The following FLNB variants were observed in gnomAD, a reference collection of about 807,000 sequenced individuals.
FLNB encodes filamin B.
FLNB carries 111 observed loss-of-function variants against 250.6 expected under a neutral mutation model. The ratio of observed to expected loss-of-function variants is 0.44; its 90% CI spans 0.38 to 0.52. The LOEUF (loss-of-function observed/expected upper bound fraction) is 0.52, where lower values mean the gene tolerates loss of function less well. Ranked by LOEUF, FLNB falls within the 20% of genes least tolerant of loss-of-function variation. The probability of loss-of-function intolerance (pLI) is 0.00; values close to 1 mark genes in which losing one functional copy is unlikely to be tolerated. For missense variants in FLNB, 2,869 were observed against 3,447.8 expected (o/e 0.83, Z 4.20); for synonymous variants, 1,302 against 1,372.1 (o/e 0.95, Z 1.13).
chr3:58,109,552 T>C, intron 14 of FLNB, 24 bp from the exon 15 acceptor site: 1 of 1,614,234 alleles, frequency 6.2e-7, no homozygotes, highest in Non-Finnish European at 8.5e-7. Flanking sequence ...GAGAACTTGA[T>C]GACCTTCTCC....
At chr3:58,070,529 C>T (rs568648405) in intron 1 of FLNB, among the ~76,000 whole-genome samples, 11 of 152,214 alleles carry the variant, frequency 7.2e-5, no homozygotes, top group African/African-American at 2.6e-4. Flanking sequence ...GTAGCCTCTC[C>T]GGGTGGTAGA....
At chr3:58,077,323 T>A (rs762193344) in intron 2 of FLNB, 29 bp downstream of exon 2, 10 of 1,611,292 alleles carry the variant, frequency 6.2e-6, no homozygotes, top group Non-Finnish European at 8.5e-6. Flanking sequence ...CTAAACCATC[T>A]GTCCAGGATG....
Position 58,008,838 on chromosome 3 carries a change from A to G in FLNB, c.274A>G (p.Ile92Val), listed in dbSNP as rs62622011. Residue 92 changes from isoleucine (I) to valine (V), a missense_variant, in exon 1 of 46, where the codon ATC becomes GTC. Transcript: ENST00000295956. ...GCTCGAGTTCCTGGACCGTGAGAGCATCAAGCTCGTGTCCATCGGTGAGTT... is the reference window on the plus strand; with the variant it reads ...GCTCGAGTTCCTGGACCGTGAGAGCGTCAAGCTCGTGTCCATCGGTGAGTT... ...VALEFLDRES[I>V]KLVSIDSKAI... The G allele has an allele frequency of 5.2e-4, 847 of 1,613,802 alleles. 2 individuals are homozygous for G. In the African/African-American group the frequency reaches 7.1e-3, roughly 14 times the overall value.
intron 34 of FLNB, 67 bp downstream of exon 34, chr3:58,147,060 T>G (rs2097336876): frequency 6.6e-7 from 1 of 1,517,520 alleles, no homozygotes; most frequent in African/African-American, 1.4e-5. Flanking sequence ...GCCACCCTCC[T>G]TATCAGACCC....
chr3:58,139,717 A>G (rs573701325), intron 29 of FLNB, among the ~76,000 whole-genome samples: 83 of 152,160 alleles, frequency 5.5e-4, no homozygotes, highest in Non-Finnish European at 7.5e-4. Flanking sequence ...GTCCTTATTC[A>G]CAGAGAAGGG....
At chr3:58,065,510 C>G (rs1266745953) in intron 1 of FLNB, among the ~76,000 whole-genome samples, 2 of 152,204 alleles carry the variant, frequency 1.3e-5, no homozygotes, top group African/African-American at 4.8e-5. Flanking sequence ...GTTATGTCAT[C>G]TGTAAAATGG....
In FLNB at chr3:58,169,815, A is replaced by AG; in HGVS notation, c.7621+25dup. ...GCTGGTAGGTGTCTGGGCCTTTTCA[A>AG]GGGTGGGGTGGGGCAGGGGCAGGCT... On this transcript the variant is annotated intron_variant, in intron 45 of 45. Transcript: ENST00000295956. The surrounding 1 kb of genome is among the most constrained non-coding windows in gnomAD (Gnocchi z 4.8). 3.8e-5 allele frequency: 26 copies of AG among 688,046 alleles called. No homozygotes were observed. The highest frequency in any genetic ancestry group is 5.8e-5 in the Non-Finnish European group (23 of 397,526). 42.6% of individuals were successfully genotyped at this position (688,046 alleles called of 1,614,324 possible).
chr3:58,095,229 G>GTATTTAATTATTTATTTATT, intron 5 of FLNB, among the ~76,000 whole-genome samples: 1 of 147,814 alleles, frequency 6.8e-6, no homozygotes, highest in East Asian at 2.0e-4. Flanking sequence ...GTTTATGTAT[G>GTATTTAATTATTTATTTATT]TATTTATTTA....
In FLNB at chr3:58,142,693, T is replaced by C; in HGVS notation, c.5225T>C (p.Leu1742Pro). The C allele has an allele frequency of 6.2e-7, 1 of 1,614,258 alleles. No individual in the cohort carries two copies. The highest frequency in any genetic ancestry group is 1.3e-5 in the African/African-American group (1 of 75,076). The change falls in exon 31 of 46, where the codon CTG becomes CCG. Residue 1742 changes from leucine (L) to proline (P), a missense_variant. Leu to Pro is a moderately conservative substitution (Grantham distance 98). This residue lies in a region of FLNB where 1,084 missense variants were observed against 1,315.5 expected (regional missense o/e 0.82). Coordinates refer to ENST00000295956, the MANE Select transcript of FLNB (RefSeq NM_001457.4). The surrounding 1 kb of genome is among the most constrained non-coding windows in gnomAD (Gnocchi z 4.3). ...GTCCCAGTGAGTGACATGAACGGCC[T>C]GGGATTTAAGCCTTTTGACCTGGTC... ...AYVPVSDMNG[L>P]GFKPFDLVIP...
intron 1 of FLNB, among the ~76,000 whole-genome samples, chr3:58,053,093 A>G (rs1204750174): frequency 6.6e-6 from 1 of 152,218 alleles, no homozygotes; most frequent in Admixed American, 6.5e-5. Flanking sequence ...TCAGTGGCAG[A>G]ATGGAATGTT....
chr3:58,056,739 C>T (rs1416611615), intron 1 of FLNB, among the ~76,000 whole-genome samples: 2 of 151,708 alleles, frequency 1.3e-5, no homozygotes, highest in East Asian at 3.9e-4. Context: ...TACAGGCGTG[C>T]TCCACCATAC....
At chr3:58,057,545 G>C (rs985463353) in intron 1 of FLNB, among the ~76,000 whole-genome samples, 3 of 152,230 alleles carry the variant, frequency 2.0e-5, no homozygotes, top group Non-Finnish European at 4.4e-5. Context: ...CCTGACATTA[G>C]ATGATGGCTG....
chr3:58,019,589 T>G (rs1353206970), intron 1 of FLNB, among the ~76,000 whole-genome samples: 2 of 152,214 alleles, frequency 1.3e-5, no homozygotes, highest in African/African-American at 4.8e-5. Context: ...AGGACTTTTG[T>G]GTCAAAACTG....
intron 1 of FLNB, among the ~76,000 whole-genome samples, chr3:58,017,906 T>G (rs2097108008): frequency 6.6e-6 from 1 of 152,182 alleles, no homozygotes; most frequent in Non-Finnish European, 1.5e-5. Flanking sequence ...ACAGAGCCGC[T>G]GACTCTCTCC....
Position 58,123,093 on chromosome 3 carries a change from G to A in FLNB, c.3127G>A (p.Val1043Met), listed in dbSNP as rs2097291832. The A allele has an allele frequency of 2.5e-6, 4 of 1,613,856 alleles. No individual in the cohort carries two copies. The highest frequency in any genetic ancestry group is 1.3e-5 in the African/African-American group (1 of 74,912). ...EASLPPDPSK[V>M]KAHGPGLEGG... ...TTGACTTTATTCTTTGCTCAAATAGGTGAAGGCCCACGGTCCCGGCCTCGA... is the reference window on the plus strand; with the variant it reads ...TTGACTTTATTCTTTGCTCAAATAGATGAAGGCCCACGGTCCCGGCCTCGA... Residue 1043 changes from valine to methionine, a missense_variant and splice_region_variant, in exon 21 of 46, where the codon GTG becomes ATG. Physicochemically the swap from Val to Met is conservative, Grantham distance 21. Coordinates refer to ENST00000295956, the MANE Select transcript of FLNB (RefSeq NM_001457.4).
Position 58,152,452 on chromosome 3 carries a change from G to A in FLNB, c.6368-923G>A, listed in dbSNP as rs370217640. Among the ~76,000 whole-genome samples the A allele has an allele frequency of 2.4e-3, 358 of 152,308 alleles. 2 individuals are homozygous for A. Among genetic ancestry groups the A allele is most frequent in the African/African-American group, 8.3e-3 (343 of 41,546 alleles). On this transcript the variant is annotated intron_variant, in intron 38 of 45. Transcript: ENST00000295956. ...TCCTTCCAGGCTGCAAACCGACAGC[G>A]TCCCCTTGTATCCTCACATGCTGGA...
chr3:58,154,956 AT>A (rs2097351063), intron 40 of FLNB, 28 bp downstream of exon 40: 1 of 1,610,990 alleles, frequency 6.2e-7, no homozygotes. Context: ...ACAAGAGGAC[AT>A]TTTCCTTGTT....
chr3:58,017,387 A>G (rs1286818177), intron 1 of FLNB, among the ~76,000 whole-genome samples: 1 of 152,192 alleles, frequency 6.6e-6, no homozygotes, highest in African/African-American at 2.4e-5. Context: ...AGTAGCTGGG[A>G]TTACAGGCAT....
intron 1 of FLNB, among the ~76,000 whole-genome samples, chr3:58,047,908 A>G (rs1156708269): frequency 6.6e-6 from 1 of 152,140 alleles, no homozygotes; most frequent in Non-Finnish European, 1.5e-5. Flanking sequence ...CTCAGCTCGT[A>G]TCATGACCCT....
Sources: allele counts gnomAD v4.1 joint callset (sites outside exome capture counted in the v4.1 genomes callset), GRCh38; gene constraint gnomAD v4.1.1; regional missense constraint gnomAD v4.1.1; non-coding constraint Gnocchi (gnomAD v3.1); transcripts MANE v1.5; gene names NCBI Gene and HGNC (gene_info 2026-07-23, HGNC 2026-07-21).